Variants in CLEC4D observed in about 807,000 individuals in gnomAD.
CLEC4D encodes C-type (calcium dependent, carbohydrate-recognition domain) lectin, superfamily member 8.
Under a neutral mutation model 21.1 loss-of-function variants are expected in CLEC4D, and 21 were observed. That is an observed-to-expected ratio of 1.00 (90% CI 0.71 to 1.43). The LOEUF (loss-of-function observed/expected upper bound fraction) is 1.43, where lower values mean the gene tolerates loss of function less well. Ranked by LOEUF, CLEC4D falls within the 40% of genes most tolerant of loss-of-function variation. The pLI is 0.00. For synonymous variants in CLEC4D, 85 were observed against 83.1 expected, an observed-to-expected ratio of 1.02 and a Z score of -0.12; for missense variants, 289 against 260.7, an observed-to-expected ratio of 1.11 and a Z score of -0.75.
chr12:8,526,152 T>G (rs1016123074), downstream of CLEC4D, among the ~76,000 whole-genome samples: 1 of 152,272 alleles, frequency 6.6e-6, no homozygotes, highest in South Asian at 2.1e-4. Context: ...GAGAATCTGA[T>G]GATTATGTGT....
downstream of CLEC4D, among the ~76,000 whole-genome samples, chr12:8,525,770 T>G (rs933035637): frequency 6.6e-6 from 1 of 152,200 alleles, no homozygotes; most frequent in African/African-American, 2.4e-5. Context: ...TGATGCAGTT[T>G]CTTCATAGTG....
rs1940460226 is a variant in CLEC4D, at chr12:8,521,563, G to C, written c.*292G>C. On this transcript the variant is annotated 3_prime_UTR_variant, in exon 6 of 6. Coordinates refer to ENST00000299665, the MANE Select transcript of CLEC4D (RefSeq NM_080387.5). ...ACTTTTCAATTGGTGTGCACTGAAT[G>C]CATGTATGGAAGAATAGCGTGAATA... The C allele has an allele frequency of 3.5e-6, 1 of 283,266 alleles. No individual in the cohort carries two copies. 17.5% of individuals were successfully genotyped at this position (283,266 alleles called of 1,614,324 possible).
At chr12:8,522,778 G>C (rs1207431771), downstream of CLEC4D, among the ~76,000 whole-genome samples, 2 of 152,090 alleles carry the variant, frequency 1.3e-5, no homozygotes, top group Non-Finnish European at 2.9e-5. Flanking sequence ...GCCCATGCCT[G>C]TGTCCTGAAT....
At chr12:8,517,909 G>A (rs767598617) in intron 2 of CLEC4D, among the ~76,000 whole-genome samples, 1 of 152,222 alleles carries the variant, frequency 6.6e-6, no homozygotes, top group African/African-American at 2.4e-5. Flanking sequence ...TCGCGCCACT[G>A]CACTCCAGCC....
chr12:8,518,778 G>A (rs7298114), intron 3 of CLEC4D, among the ~76,000 whole-genome samples: 2,083 of 152,270 alleles, frequency 0.014, 50 homozygotes, highest in African/African-American at 0.046. Context: ...GCCTTCTAAG[G>A]CAATATTTTG....
chr12:8,515,719 CTCTT>C lies in CLEC4D; in HGVS notation c.121+401_121+404del, dbSNP rs886901427. On this transcript the variant is annotated intron_variant, in intron 2 of 5. Coordinates refer to ENST00000299665, the MANE Select transcript of CLEC4D (RefSeq NM_080387.5). ...AATTGTTCTCTCTCTCTCTTTCCCT[CTCTT>C]TCTTTCTTTTTTCCTTTCTTTCAAC... is the stretch of plus-strand genomic sequence containing the variant. Among the ~76,000 whole-genome samples the C allele has an allele frequency of 7.2e-5, 11 of 152,190 alleles. No homozygotes were observed. The East Asian group carries it at 7.7e-4, about 11-fold the overall frequency.
At position 8,513,724 on chromosome 12, in the gene CLEC4D, A is replaced by G; in HGVS notation, c.-9A>G. On this transcript the variant is annotated 5_prime_UTR_variant, in exon 1 of 6. Transcript: ENST00000299665. ...CGTCCTGACCATTGAACAAGAGACT[A>G]ATTAGACAATGGGGCTAGAAAAACC... 9.1e-7 allele frequency: 1 copy of G among 1,101,590 alleles called. No individual in the cohort carries two copies. The highest frequency in any genetic ancestry group is 1.4e-6 in the Non-Finnish European group (1 of 713,514). The allele number at this position is 1,101,590 out of a possible 1,614,324, so 68.2% of individuals were successfully genotyped here.
At chr12:8,520,596 G>C (rs1486219767) in intron 5 of CLEC4D, among the ~76,000 whole-genome samples, 3 of 152,080 alleles carry the variant, frequency 2.0e-5, no homozygotes, top group African/African-American at 7.2e-5. Context: ...TTTGTTTTAG[G>C]CTTGACATTT....
chr12:8,516,713 C>T (rs1240489049), intron 2 of CLEC4D, among the ~76,000 whole-genome samples: 1 of 152,194 alleles, frequency 6.6e-6, no homozygotes, highest in Non-Finnish European at 1.5e-5. Flanking sequence ...TTACAATATT[C>T]GTACGCTATT....
Position 8,520,240 on chromosome 12 carries a change from G to A in CLEC4D, c.399G>A (p.Gln133=), listed in dbSNP as rs770277622. 1 of 1,613,754 alleles carries A rather than the reference G, an allele frequency of 6.2e-7. No individual in the cohort carries two copies. Among genetic ancestry groups the A allele is most frequent in the African/African-American group, 1.3e-5 (1 of 74,912 alleles). The change falls in exon 5 of 6, where the codon CAG becomes CAA. Residue 133 remains glutamine, a synonymous_variant. Coordinates refer to ENST00000299665, the MANE Select transcript of CLEC4D (RefSeq NM_080387.5). ...STEAEQNFII[Q]FLDRRLSYFL... is the part of the protein sequence containing the mutation. ...TTTTTATGCAGAACTTTATTATTCA[G>A]TTTCTGGATAGACGGCTTTCCTATT...
intron 5 of CLEC4D, 49 bp from the exon 6 acceptor site, chr12:8,521,075 A>G (rs1388881062): frequency 3.2e-6 from 5 of 1,576,426 alleles, no homozygotes; most frequent in Middle Eastern, 1.7e-4. Flanking sequence ...TATAATCTAC[A>G]TTGTCTATAT....
chr12:8,514,304 T>C (rs1940346822), intron 1 of CLEC4D, among the ~76,000 whole-genome samples: 1 of 152,158 alleles, frequency 6.6e-6, no homozygotes, highest in Non-Finnish European at 1.5e-5. Context: ...GGTAACAATA[T>C]TTCTTAGAGA....
downstream of CLEC4D, among the ~76,000 whole-genome samples, chr12:8,524,198 G>A (rs1940489133): frequency 6.6e-6 from 1 of 152,076 alleles, no homozygotes; most frequent in African/African-American, 2.4e-5. Flanking sequence ...GTATCAGGAT[G>A]ATGCTGGCTT....
intron 3 of CLEC4D, 95 bp downstream of exon 3, chr12:8,518,369 A>G: frequency 1.5e-6 from 1 of 648,916 alleles, no homozygotes; most frequent in Non-Finnish European, 2.8e-6. Context: ...AGGAAAGATT[A>G]AAATAGCATA....
chr12:8,521,519 G>A lies in CLEC4D; in HGVS notation c.*248G>A, dbSNP rs902149695. 2.3e-5 allele frequency: 16 copies of A among 696,800 alleles called. No individual in the cohort carries two copies. The highest frequency in any genetic ancestry group is 1.7e-4 in the Admixed American group (4 of 23,964). The allele number at this position is 696,800 out of a possible 1,614,324, so 43.2% of individuals were successfully genotyped here. ...GGAATAATCTTTCTTTGCTTTCTTA[G>A]TAGTATTTCAAGGTGTTTACTTTTC... On this transcript the variant is annotated 3_prime_UTR_variant, in exon 6 of 6. Transcript: ENST00000299665.
intron 1 of CLEC4D, 139 bp downstream of exon 1, chr12:8,513,899 T>G: frequency 1.7e-6 from 1 of 594,406 alleles, no homozygotes; most frequent in Non-Finnish European, 3.0e-6. Context: ...ATGACGTTGG[T>G]GAAGAGGAAG....
chr12:8,521,060 A>G (rs1257679625), intron 5 of CLEC4D, 64 bp from the exon 6 acceptor site: 39 of 1,549,002 alleles, frequency 2.5e-5, no homozygotes, highest in Non-Finnish European at 3.1e-5. Flanking sequence ...TATCTAATCT[A>G]CACCTATAAT....
At position 8,513,678 on chromosome 12, in the gene CLEC4D, A is replaced by G; in HGVS notation, c.-55A>G. On this transcript the variant is annotated 5_prime_UTR_variant, in exon 1 of 6. Coordinates refer to ENST00000299665, the MANE Select transcript of CLEC4D (RefSeq NM_080387.5). ...CCACAGAAATATACTCTGGGGGAAA[A>G]AAAATAGAACAAATTCTTGCCGTCC... 1.1e-6 allele frequency: 1 copy of G among 874,622 alleles called. No individual in the cohort carries two copies. Among genetic ancestry groups the G allele is most frequent in the South Asian group, 1.3e-5 (1 of 74,714 alleles). 54.2% of individuals were successfully genotyped at this position (874,622 alleles called of 1,614,324 possible).
Position 8,517,456 on chromosome 12 carries a change from C to G in CLEC4D, c.122-708C>G, listed in dbSNP as rs545321839. 5.1e-5 allele frequency among the ~76,000 whole-genome samples: 7 copies of G among 138,466 alleles called. 2 individuals carry two copies. The highest frequency in any genetic ancestry group is 1.8e-4 in the African/African-American group (7 of 38,474). 90.8% of individuals were successfully genotyped at this position (138,466 alleles called of 152,430 possible). A position where few individuals can be genotyped will look rare whatever the true frequency, so the allele number is the denominator to read the frequency against. On this transcript the variant is annotated intron_variant, in intron 2 of 5. Coordinates refer to ENST00000299665, the MANE Select transcript of CLEC4D (RefSeq NM_080387.5). ...AAATGCTATCCCTCCCCCCTCCCCCCACCCCACAACAGGCCCCGGTGTGTG... is the reference window on the plus strand; with the variant it reads ...AAATGCTATCCCTCCCCCCTCCCCCGACCCCACAACAGGCCCCGGTGTGTG...
Sources: allele counts gnomAD v4.1 joint callset (sites outside exome capture counted in the v4.1 genomes callset), GRCh38; gene constraint gnomAD v4.1.1; transcripts MANE v1.5; gene names NCBI Gene and HGNC (gene_info 2026-07-23, HGNC 2026-07-21).